Variants in FBN1 observed in about 807,000 individuals in gnomAD.
FBN1 encodes the protein fibrillin-1.
In FBN1, 29 loss-of-function variants were observed where a neutral mutation model predicts 365.1. That is an observed-to-expected ratio of 0.08 (90% CI 0.06 to 0.11). The LOEUF (loss-of-function observed/expected upper bound fraction) is 0.11. Among genes scored for constraint, FBN1 ranks in the 10% least tolerant of loss-of-function variants. The pLI is 1.00. For synonymous variants in FBN1, 1,210 were observed against 1,270.5 expected (o/e 0.95, Z 1.01); for missense variants, 2,476 against 3,703.2 (o/e 0.67, Z 8.60).
chr15:48,579,977 A>G (rs1314008423), intron 6 of FBN1, among the ~76,000 whole-genome samples: 1 of 152,188 alleles, frequency 6.6e-6, no homozygotes, highest in Non-Finnish European at 1.5e-5. Flanking sequence ...ATGTTTTGAA[A>G]TTGAAGGGAC....
chr15:48,505,411 A>G (rs535520847), intron 15 of FBN1, among the ~76,000 whole-genome samples: 30 of 152,322 alleles, frequency 2.0e-4, no homozygotes, highest in Non-Finnish European at 3.5e-4. Context: ...AATAATCACA[A>G]AGGCAAAAAC....
chr15:48,488,284 G>C, intron 26 of FBN1, 43 bp from the exon 27 acceptor site: 1 of 1,614,082 alleles, frequency 6.2e-7, no homozygotes, highest in Non-Finnish European at 8.5e-7. Context: ...TCTCAGGACA[G>C]CCTTAATTCT....
chr15:48,463,262 G>T, intron 41 of FBN1, 22 bp from the exon 42 acceptor site: 1 of 1,608,792 alleles, frequency 6.2e-7, no homozygotes, highest in South Asian at 1.1e-5. Context: ...GTAAAAAAAA[G>T]GATTGGAGGG....
chr15:48,427,886 G>C lies in FBN1; in HGVS notation c.6998-113C>G. 4 of 917,454 alleles carry C rather than the reference G, an allele frequency of 4.4e-6. No individual in the cohort carries two copies. In the East Asian group the frequency reaches 1.0e-4, roughly 24 times the overall value. 56.8% of individuals were successfully genotyped at this position (917,454 alleles called of 1,614,324 possible). A position where few individuals can be genotyped will look rare whatever the true frequency, so the allele number is the denominator to read the frequency against. ...AAAAAGGATGTAACACTTTACCCTG[G>C]GTGAGAAGAAGCAAGAGGGGAAAGC... On this transcript the variant is annotated intron_variant, in intron 57 of 65. Coordinates refer to ENST00000316623, the MANE Select transcript of FBN1 (RefSeq NM_000138.5).
At chr15:48,592,503 C>T (rs2044485394) in intron 6 of FBN1, among the ~76,000 whole-genome samples, 1 of 152,072 alleles carries the variant, frequency 6.6e-6, no homozygotes, top group Admixed American at 6.5e-5. Context: ...AGGCACTGAC[C>T]TCACTTCAAT....
intron 18 of FBN1, 38 bp downstream of exon 18, chr15:48,498,947 A>G (rs1402899245): frequency 4.4e-6 from 7 of 1,597,366 alleles, no homozygotes; most frequent in Non-Finnish European, 6.0e-6. Context: ...CTGCCTCTGC[A>G]CATACTGAAG....
In FBN1 at chr15:48,537,493, C is replaced by T. The variant is rs564727782; in HGVS notation, c.736+118G>A. 697 of 1,276,024 alleles carry T rather than the reference C, an allele frequency of 5.5e-4. 3 individuals are homozygous for T. In the South Asian group the frequency reaches 6.9e-3, roughly 13 times the overall value. The allele number at this position is 1,276,024 out of a possible 1,614,324, so 79.0% of individuals were successfully genotyped here. A position where few individuals can be genotyped will look rare whatever the true frequency, so the allele number is the denominator to read the frequency against. On this transcript the variant is annotated intron_variant, in intron 7 of 65. Coordinates refer to ENST00000316623, the MANE Select transcript of FBN1 (RefSeq NM_000138.5). ...CCTTAGTTGGATATCATGCAGTCAGCGAAATTGTGAAGTTATGTAGCTGAC... is the reference window on the plus strand; with the variant it reads ...CCTTAGTTGGATATCATGCAGTCAGTGAAATTGTGAAGTTATGTAGCTGAC...
Position 48,428,444 on chromosome 15 carries a change from C to T in FBN1, c.6899G>A (p.Gly2300Glu). Residue 2300 changes from glycine (G) to glutamate (E), a missense_variant, in exon 57 of 66, where the codon GGG becomes GAG. By Grantham distance (98) the Gly-to-Glu change is moderately conservative. This residue lies in a region of FBN1 where 1,780 missense variants were observed against 2,840.8 expected (regional missense o/e 0.63). Transcript: ENST00000316623. ...GAGGCAGCGCCCATTCTCACAGATC[C>T]CTGGCTTCGTCTGACATTCATTCTC... ...VDENECQTKP[G>E]ICENGRCLNT... 1 of 1,614,058 alleles carries T rather than the reference C, an allele frequency of 6.2e-7. No homozygotes were observed. The highest frequency in any genetic ancestry group is 8.5e-7 in the Non-Finnish European group (1 of 1,179,980).
intron 9 of FBN1, among the ~76,000 whole-genome samples, chr15:48,521,456 C>G (rs995558791): frequency 6.6e-6 from 1 of 152,148 alleles, no homozygotes; most frequent in African/African-American, 2.4e-5. Flanking sequence ...CAAAATGGCC[C>G]TTGATTCCAA....
intron 65 of FBN1, among the ~76,000 whole-genome samples, chr15:48,411,824 G>A (rs1430535740): frequency 1.3e-5 from 2 of 152,198 alleles, no homozygotes; most frequent in Non-Finnish European, 2.9e-5. Flanking sequence ...TCTTTCCAAA[G>A]ACTTATCTCA....
Position 48,494,232 on chromosome 15 carries a change from G to A in FBN1, c.2700C>T (p.Tyr900=). ...CACATTGTGTTCCTTTAATTCTTGAGTACCCTTTACCACATATGGGATCTG... is the reference window on the plus strand; with the variant it reads ...CACATTGTGTTCCTTTAATTCTTGAATACCCTTTACCACATATGGGATCTG... ...CQVDPICGKG[Y]SRIKGTQCED... is the part of the protein sequence containing the mutation. The change falls in exon 23 of 66, where the codon TAC becomes TAT. Residue 900 remains tyrosine, a synonymous_variant. Transcript: ENST00000316623. The A allele has an allele frequency of 6.2e-7, 1 of 1,612,812 alleles. No individual in the cohort carries two copies. Among genetic ancestry groups the A allele is most frequent in the South Asian group, 1.1e-5 (1 of 91,058 alleles).
At chr15:48,510,766 C>CT (rs1032674989) in intron 13 of FBN1, among the ~76,000 whole-genome samples, 1 of 152,172 alleles carries the variant, frequency 6.6e-6, no homozygotes, top group Non-Finnish European at 1.5e-5. Context: ...GGTATTTTTC[C>CT]TTTTTTTCTA....
intron 2 of FBN1, among the ~76,000 whole-genome samples, chr15:48,631,062 C>T (rs1327304574): frequency 1.3e-5 from 2 of 152,138 alleles, no homozygotes; most frequent in East Asian, 3.8e-4. Flanking sequence ...TCTACGAAAG[C>T]TATGCCTAAA....
intron 50 of FBN1, among the ~76,000 whole-genome samples, chr15:48,438,511 G>C (rs1268685545): frequency 6.6e-6 from 1 of 152,152 alleles, no homozygotes; most frequent in African/African-American, 2.4e-5. Context: ...GATACTCCCG[G>C]AGATGCTGGC....
chr15:48,615,352 A>G (rs1870523377), intron 2 of FBN1, among the ~76,000 whole-genome samples: 1 of 152,184 alleles, frequency 6.6e-6, no homozygotes, highest in Non-Finnish European at 1.5e-5. Flanking sequence ...TGACAAAAAT[A>G]TGTATGTCAT....
At chr15:48,495,699 G>C in intron 20 of FBN1, 111 bp from the exon 21 acceptor site, 7 of 1,398,228 alleles carry the variant, frequency 5.0e-6, no homozygotes, top group Non-Finnish European at 7.1e-6. Flanking sequence ...ACACAGTAAA[G>C]CTGGGCTAAA....
rs60044471 is a variant in FBN1 at position 48,590,489 on chromosome 15, AAAAT to A, written c.538+5790_538+5793del. Among the ~76,000 whole-genome samples the A allele has an allele frequency of 7.6e-3, 1,153 of 152,330 alleles. 13 individuals are homozygous for A. The highest frequency in any genetic ancestry group is 0.027 in the African/African-American group (1,108 of 41,568). ...GTAGTATTTTTGAAAGTCATTCAATAAAATCATTAGAAAGATATCTGTGCAAAAT... is the reference window on the plus strand; with the variant it reads ...GTAGTATTTTTGAAAGTCATTCAATACATTAGAAAGATATCTGTGCAAAAT... On this transcript the variant is annotated intron_variant, in intron 6 of 65. Transcript: ENST00000316623.
rs750653834 is a variant in FBN1, at chr15:48,520,749, T to C, written c.1057A>G (p.Ile353Val). ...TCACAGCAGCACTGCATTTTGGTTA[T>C]GGACTGTGGCAGCTGGTTAGAGCAG... ...GRCSNQLPQS[I>V]TKMQCCCDAG... Residue 353 changes from isoleucine (I) to valine (V), a missense_variant, in exon 10 of 66, where the codon ATA (isoleucine) becomes GTA (valine). By Grantham distance (29) the Ile-to-Val change is conservative (BLOSUM62 3). Around this residue, in one of 5 missense-constraint regions of FBN1, gnomAD observed 421 missense variants for 520.1 expected, o/e 0.81. Coordinates refer to ENST00000316623, the MANE Select transcript of FBN1 (RefSeq NM_000138.5). The C allele has an allele frequency of 1.5e-5, 25 of 1,614,216 alleles. No homozygotes were observed. In the South Asian group the frequency reaches 2.6e-4, roughly 17 times the overall value.
Position 48,428,331 on chromosome 15 carries a change from G to A in FBN1, c.6997+15C>T, listed in dbSNP as rs1453967282. On this transcript the variant is annotated intron_variant, in intron 57 of 65. Coordinates refer to ENST00000316623, the MANE Select transcript of FBN1 (RefSeq NM_000138.5). Reference sequence around the variant, plus strand: ...GAGGCTGAGGTTAGGAAAGTGCGGTGCCAACTGTACTCACCAAGGCACTCG... The same window carrying A: ...GAGGCTGAGGTTAGGAAAGTGCGGTACCAACTGTACTCACCAAGGCACTCG... The A allele has an allele frequency of 1.2e-6, 2 of 1,613,906 alleles. No individual in the cohort carries two copies. Among genetic ancestry groups the A allele is most frequent in the Admixed American group, 1.7e-5 (1 of 60,012 alleles).
Sources: allele counts gnomAD v4.1 joint callset (sites outside exome capture counted in the v4.1 genomes callset), GRCh38; gene constraint gnomAD v4.1.1; regional missense constraint gnomAD v4.1.1; transcripts MANE v1.5; gene names NCBI Gene and HGNC (gene_info 2026-07-23, HGNC 2026-07-21).